Variants in BDKRB2 observed in about 807,000 individuals in gnomAD.
BDKRB2 encodes the protein B2 bradykinin receptor.
A neutral mutation model predicts 4.0 loss-of-function variants in BDKRB2; 6 were observed. The ratio of observed to expected loss-of-function variants is 1.49; its 90% confidence interval spans 0.81 to 2.93. The LOEUF is 2.93. Among genes scored for constraint, BDKRB2 ranks in the 30% most tolerant of loss-of-function variants. BDKRB2 has a pLI of 0.00. For missense variants in BDKRB2, 478 were observed against 520.1 expected, an observed-to-expected ratio of 0.92 and a Z score of 0.79; for synonymous variants, 225 against 215.3, an observed-to-expected ratio of 1.05 and a Z score of -0.40.
At chr14:96,225,827 G>A (rs1595256104) in intron 1 of BDKRB2, among the ~76,000 whole-genome samples, 1 of 152,200 alleles carries the variant, frequency 6.6e-6, no homozygotes, top group East Asian at 1.9e-4. Flanking sequence ...TGGGTGGGAA[G>A]AAGGTCACAG....
chr14:96,235,378 C>T (rs955480047), intron 1 of BDKRB2, among the ~76,000 whole-genome samples: 3 of 149,276 alleles, frequency 2.0e-5, no homozygotes, highest in African/African-American at 7.4e-5. Context: ...AAAAAAATTA[C>T]GCTTCAAACA....
intron 1 of BDKRB2, among the ~76,000 whole-genome samples, chr14:96,206,532 C>T (rs1316648470): frequency 1.3e-5 from 2 of 152,078 alleles, no homozygotes; most frequent in Non-Finnish European, 2.9e-5. Context: ...CCGGTGGGAC[C>T]CAACCTGGAA....
At chr14:96,229,250 G>A (rs771566050) in intron 1 of BDKRB2, among the ~76,000 whole-genome samples, 3 of 152,090 alleles carry the variant, frequency 2.0e-5, no homozygotes, top group Non-Finnish European at 4.4e-5. Flanking sequence ...AGGTAGAGGT[G>A]GAAGAGAACC....
chr14:96,215,732 G>A (rs765130161), intron 1 of BDKRB2, among the ~76,000 whole-genome samples: 2 of 152,172 alleles, frequency 1.3e-5, no homozygotes, highest in Admixed American at 6.5e-5. Flanking sequence ...GAAAAGGCAG[G>A]TCCTTGGAGA....
intron 1 of BDKRB2, among the ~76,000 whole-genome samples, chr14:96,228,965 A>C (rs1203313332): frequency 3.3e-5 from 5 of 152,210 alleles, no homozygotes; most frequent in Admixed American, 6.5e-5. Context: ...CCCATCTGGA[A>C]CATGGGAATA....
chr14:96,206,098 C>T (rs140702658), intron 1 of BDKRB2, among the ~76,000 whole-genome samples: 15 of 152,164 alleles, frequency 9.9e-5, no homozygotes, highest in South Asian at 2.1e-4. Flanking sequence ...AGGCCCTGCC[C>T]GAGGTTCTCT....
chr14:96,225,588 A>G (rs1188433343), intron 1 of BDKRB2, among the ~76,000 whole-genome samples: 1 of 152,128 alleles, frequency 6.6e-6, no homozygotes, highest in Non-Finnish European at 1.5e-5. Context: ...GCAATAGTAT[A>G]GGTCCCTTCA....
At chr14:96,235,721 C>T (rs964569013) in intron 1 of BDKRB2, among the ~76,000 whole-genome samples, 2 of 152,144 alleles carry the variant, frequency 1.3e-5, no homozygotes, top group Non-Finnish European at 2.9e-5. Flanking sequence ...TTCTGGAAAC[C>T]CAGGTGCCGG....
At chr14:96,216,089 A>G (rs566804303) in intron 1 of BDKRB2, among the ~76,000 whole-genome samples, 1 of 152,162 alleles carries the variant, frequency 6.6e-6, no homozygotes. Context: ...CCAAAAATGA[A>G]ATACCAAGGA....
intron 1 of BDKRB2, among the ~76,000 whole-genome samples, chr14:96,227,745 T>C (rs1377179473): frequency 6.6e-6 from 1 of 152,124 alleles, no homozygotes; most frequent in Non-Finnish European, 1.5e-5. Flanking sequence ...TGGCTACTCC[T>C]CTGTAGCCTG....
At chr14:96,219,301 C>CA (rs756727292) in intron 1 of BDKRB2, among the ~76,000 whole-genome samples, 1 of 152,092 alleles carries the variant, frequency 6.6e-6, no homozygotes, top group East Asian at 1.9e-4. Context: ...GACTCTGCCT[C>CA]AAAAAACAAG....
chr14:96,217,498 T>C (rs956688493), intron 1 of BDKRB2, among the ~76,000 whole-genome samples: 8 of 152,206 alleles, frequency 5.3e-5, no homozygotes, highest in African/African-American at 1.9e-4. Flanking sequence ...AAAATAACCA[T>C]AGCAATAGCA....
chr14:96,217,507 C>G (rs987889571), intron 1 of BDKRB2, among the ~76,000 whole-genome samples: 2 of 152,254 alleles, frequency 1.3e-5, no homozygotes, highest in African/African-American at 4.8e-5. Flanking sequence ...ATAGCAATAG[C>G]AACACTGAGG....
At chr14:96,236,480 C>T (rs1023483522) in intron 1 of BDKRB2, among the ~76,000 whole-genome samples, 1 of 152,298 alleles carries the variant, frequency 6.6e-6, no homozygotes, top group Non-Finnish European at 1.5e-5. Context: ...CCTGCCTCGC[C>T]CCTGTCCTCA....
At chr14:96,231,381 C>T (rs1250995906) in intron 1 of BDKRB2, among the ~76,000 whole-genome samples, 1 of 152,194 alleles carries the variant, frequency 6.6e-6, no homozygotes, top group Non-Finnish European at 1.5e-5. Flanking sequence ...CCCCTACAGA[C>T]AGCTTTGGCC....
rs143778180 is a variant in BDKRB2, at chr14:96,241,390, G to C, written c.1062G>C (p.Gly354=). Residue 354 remains glycine (G), a synonymous_variant, in exon 3 of 3, where the codon GGG becomes GGC. Transcript: ENST00000554311. ...WEVYQGVCQK[G]GCRSEPIQME... ...TGTACCAGGGAGTGTGCCAGAAAGG[G>C]GGCTGCAGGTCAGAACCCATTCAGA... 1 of 1,612,954 alleles carries C rather than the reference G, an allele frequency of 6.2e-7. No homozygotes were observed.
chr14:96,229,943 A>G (rs1303112105), intron 1 of BDKRB2, among the ~76,000 whole-genome samples: 2 of 151,984 alleles, frequency 1.3e-5, no homozygotes, highest in African/African-American at 4.8e-5. Context: ...CCTGGCTAAC[A>G]CGGTGAAACC....
At chr14:96,221,561 G>A (rs1230622117) in intron 1 of BDKRB2, among the ~76,000 whole-genome samples, 3 of 152,098 alleles carry the variant, frequency 2.0e-5, no homozygotes, top group Admixed American at 6.5e-5. Flanking sequence ...GACACCCGGA[G>A]GACAGAGTTC....
intron 2 of BDKRB2, chr14:96,238,047 CT>C: frequency 9.0e-7 from 1 of 1,108,772 alleles, no homozygotes; most frequent in Non-Finnish European, 1.1e-6. Flanking sequence ...GAAGTCTTAC[CT>C]TCAGAGGACT....
Sources: gnomAD v4.1 joint callset for allele counts (sites outside exome capture counted in the v4.1 genomes callset) on GRCh38, gnomAD v4.1.1 for gene constraint, MANE v1.5 for transcripts, NCBI Gene and HGNC (gene_info 2026-07-23, HGNC 2026-07-21) for gene names.